The following RHOBTB1 variants were observed in gnomAD, a reference collection of about 807,000 sequenced individuals.
RHOBTB1 encodes rho-related BTB domain-containing protein 1.
RHOBTB1 carries 40 observed loss-of-function variants against 71.6 expected under a neutral mutation model. That is an observed-to-expected ratio of 0.56 (90% CI 0.43 to 0.73). The LOEUF is 0.73. Among genes scored for constraint, RHOBTB1 ranks in the 30% least tolerant of loss-of-function variants. The pLI, the probability that RHOBTB1 is intolerant of heterozygous loss-of-function variation, is 0.00. For synonymous variants in RHOBTB1, 319 were observed against 334.9 expected, an observed-to-expected ratio of 0.95 and a Z score of 0.52; for missense variants, 797 against 894.0, an observed-to-expected ratio of 0.89 and a Z score of 1.38.
At chr10:60,874,229 T>G (rs777455450) in intron 9 of RHOBTB1, among the ~76,000 whole-genome samples, 1 of 152,218 alleles carries the variant, frequency 6.6e-6, no homozygotes, top group Admixed American at 6.5e-5. Context: ...GTAAATTCAT[T>G]GTTAATCAGC....
intron 2 of RHOBTB1, among the ~76,000 whole-genome samples, chr10:60,956,523 C>T (rs138743540): frequency 6.6e-6 from 1 of 152,142 alleles, no homozygotes. Context: ...TTTTTAAAAA[C>T]CTTTTGGCTA....
chr10:60,960,000 A>G (rs1038914180), intron 2 of RHOBTB1, among the ~76,000 whole-genome samples: 1 of 152,228 alleles, frequency 6.6e-6, no homozygotes, highest in African/African-American at 2.4e-5. Flanking sequence ...ATAATAATAA[A>G]CAGTAGGCTG....
intron 2 of RHOBTB1, among the ~76,000 whole-genome samples, chr10:60,950,436 G>A (rs1425212880): frequency 6.6e-6 from 1 of 152,074 alleles, no homozygotes; most frequent in African/African-American, 2.4e-5. Context: ...CTGACCACCT[G>A]TTTCATATAA....
rs750958498 is a variant in RHOBTB1 at position 60,910,893 on chromosome 10, T to C, written c.290A>G (p.Tyr97Cys). The C allele has an allele frequency of 5.0e-6, 8 of 1,612,446 alleles. No individual in the cohort carries two copies. Among genetic ancestry groups the C allele is most frequent in the Non-Finnish European group, 6.8e-6 (8 of 1,178,572 alleles). The change falls in exon 4 of 11, where the codon TAT becomes TGT. Residue 97 changes from tyrosine (Y) to cysteine (C), a missense_variant. By Grantham distance (194) the Tyr-to-Cys change is radical. Coordinates refer to ENST00000337910, the MANE Select transcript of RHOBTB1 (RefSeq NM_014836.5). ...GDHHKDRRFA[Y>C]GRSDVVVLCF... ...TGTACTAGTCTTGGTTTACCTGCCATATGCAAAGCGTCTGTCTTTGTGATG... is the reference window on the plus strand; with the variant it reads ...TGTACTAGTCTTGGTTTACCTGCCACATGCAAAGCGTCTGTCTTTGTGATG...
At chr10:60,908,915 T>A (rs1027884039) in intron 4 of RHOBTB1, among the ~76,000 whole-genome samples, 1 of 152,196 alleles carries the variant, frequency 6.6e-6, no homozygotes, top group African/African-American at 2.4e-5. Flanking sequence ...CTGAAGCCCC[T>A]CAATGTTGCT....
intron 2 of RHOBTB1, among the ~76,000 whole-genome samples, chr10:60,970,868 C>G (rs1196443287): frequency 6.6e-6 from 1 of 151,932 alleles, no homozygotes; most frequent in East Asian, 1.9e-4. Context: ...CAACTGAATG[C>G]TAAACAACTC....
intron 2 of RHOBTB1, among the ~76,000 whole-genome samples, chr10:60,966,912 T>C (rs1484722165): frequency 6.7e-6 from 1 of 150,354 alleles, no homozygotes; most frequent in Admixed American, 6.6e-5. Flanking sequence ...AAGAAACTTC[T>C]ATATAGCAGC....
intron 2 of RHOBTB1, among the ~76,000 whole-genome samples, chr10:60,934,219 C>T (rs1370266937): frequency 6.6e-6 from 1 of 152,164 alleles, no homozygotes; most frequent in African/African-American, 2.4e-5. Flanking sequence ...ACCTTAAGAA[C>T]TTTATGTGAA....
intron 2 of RHOBTB1, among the ~76,000 whole-genome samples, chr10:60,940,183 A>G (rs1158411771): frequency 6.6e-6 from 1 of 152,168 alleles, no homozygotes; most frequent in Non-Finnish European, 1.5e-5. Flanking sequence ...ATCTTCACTA[A>G]TTAAGATTTT....
In RHOBTB1 at chr10:60,875,058, G is replaced by A. The variant is rs374290142; in HGVS notation, c.1727-16C>T. On this transcript the variant is annotated splice_polypyrimidine_tract_variant and intron_variant, in intron 8 of 10. Coordinates refer to ENST00000337910, the MANE Select transcript of RHOBTB1 (RefSeq NM_014836.5). The stretch of plus-strand genomic sequence containing the variant: ...GCATGCTGTTCTGGGGAAGAGAGAG[G>A]GGGCAGGAGAACATTAAACCACGCC... 1.2e-6 allele frequency: 2 copies of A among 1,608,274 alleles called. No individual in the cohort carries two copies. Among genetic ancestry groups the A allele is most frequent in the Non-Finnish European group, 1.7e-6 (2 of 1,174,766 alleles).
chr10:60,861,834 C>T, the RHOBTB1 span, among the ~76,000 whole-genome samples: 1 of 152,176 alleles, frequency 6.6e-6, no homozygotes, highest in Non-Finnish European at 1.5e-5. Context: ...CCTCCACTCC[C>T]CCAGCAAATT....
chr10:60,990,021 C>G (rs561655094), intron 1 of RHOBTB1, among the ~76,000 whole-genome samples: 1 of 133,346 alleles, frequency 7.5e-6, no homozygotes, highest in Non-Finnish European at 1.5e-5. Context: ...CTCGTTCTGT[C>G]GCCTAGGCTG....
intron 2 of RHOBTB1, among the ~76,000 whole-genome samples, chr10:60,952,899 G>A (rs1475425765): frequency 2.6e-5 from 4 of 152,106 alleles, no homozygotes; most frequent in South Asian, 4.2e-4. Flanking sequence ...ATCAGGTGTC[G>A]ATGAGCGATA....
intron 2 of RHOBTB1, among the ~76,000 whole-genome samples, chr10:60,983,699 C>T (rs1016645600): frequency 2.0e-5 from 3 of 152,252 alleles, no homozygotes; most frequent in Non-Finnish European, 4.4e-5. Flanking sequence ...TGTAATAACC[C>T]CCTAAAGATA....
At chr10:60,865,696 C>T (rs183431637), downstream of RHOBTB1, among the ~76,000 whole-genome samples, 1 of 152,262 alleles carries the variant, frequency 6.6e-6, no homozygotes, top group African/African-American at 2.4e-5. Context: ...TGGCCCATAG[C>T]CTTTCAGATT....
chr10:60,910,767 G>GCAGACC, intron 4 of RHOBTB1, 120 bp downstream of exon 4: 1 of 707,548 alleles, frequency 1.4e-6, no homozygotes, highest in East Asian at 2.7e-5. Flanking sequence ...TAGACACAGT[G>GCAGACC]CAGAACCCAG....
chr10:60,993,259 A>G lies in RHOBTB1; in HGVS notation c.-162-7314T>C, dbSNP rs72813720. On this transcript the variant is annotated intron_variant, in intron 1 of 11. Transcript: ENST00000357917. ...GCTGACAAAAATTACAATAAGCCAT[A>G]AAACCTTAATTATAAACGTTCAAAG... Among the ~76,000 whole-genome samples, 355 of 152,256 alleles carry G rather than the reference A, an allele frequency of 2.3e-3. 2 individuals carry two copies. Among genetic ancestry groups the G allele is most frequent in the Admixed American group, 4.3e-3 (66 of 15,300 alleles).
chr10:60,900,016 A>C (rs2133049260), intron 4 of RHOBTB1, among the ~76,000 whole-genome samples: 1 of 152,234 alleles, frequency 6.6e-6, no homozygotes, highest in South Asian at 2.1e-4. Flanking sequence ...GAGGAAACAG[A>C]GCAAAGGCCC....
upstream of RHOBTB1, among the ~76,000 whole-genome samples, chr10:60,945,333 G>A (rs1484457151): frequency 6.6e-6 from 1 of 152,096 alleles, no homozygotes; most frequent in Non-Finnish European, 1.5e-5. Flanking sequence ...AGAGAGCTAG[G>A]GATACAAAGA....
Sources: gnomAD v4.1 joint callset for allele counts (sites outside exome capture counted in the v4.1 genomes callset) on GRCh38, gnomAD v4.1.1 for gene constraint, MANE v1.5 for transcripts, NCBI Gene and HGNC (gene_info 2026-07-23, HGNC 2026-07-21) for gene names.